PPP3CB: variants seen among roughly 807,000 people sequenced by gnomAD.
PPP3CB encodes protein phosphatase 3 catalytic subunit beta.
PPP3CB carries 8 observed loss-of-function variants against 66.4 expected under a neutral mutation model. That is an observed-to-expected ratio of 0.12 (90% CI 0.07 to 0.22). The LOEUF is 0.22. PPP3CB is among the 10% of genes least tolerant of loss of function. The probability of loss-of-function intolerance (pLI) is 1.00; values close to 1 mark genes in which losing one functional copy is unlikely to be tolerated. For synonymous variants in PPP3CB, 208 were observed against 221.2 expected, an observed-to-expected ratio of 0.94 and a Z score of 0.53; for missense variants, 319 against 642.5, an observed-to-expected ratio of 0.50 and a Z score of 5.44.
intron 12 of PPP3CB, among the ~76,000 whole-genome samples, chr10:73,443,332 A>G (rs978936786): frequency 1.5e-4 from 19 of 125,470 alleles, no homozygotes; most frequent in Admixed American, 1.3e-3. Context: ...AAGAAAGAAA[A>G]AGAAAGAGAA....
At chr10:73,444,343 G>C in intron 12 of PPP3CB, 2 of 466,102 alleles carry the variant, frequency 4.3e-6, no homozygotes, top group South Asian at 7.4e-5. Context: ...AAAGAAACTT[G>C]GAATTACATT....
chr10:73,457,966 TG>T (rs1231702324), intron 9 of PPP3CB, among the ~76,000 whole-genome samples: 2 of 152,024 alleles, frequency 1.3e-5, no homozygotes, highest in Non-Finnish European at 2.9e-5. Flanking sequence ...AAAGGAGACT[TG>T]GAAGGGTAGA....
intron 9 of PPP3CB, among the ~76,000 whole-genome samples, chr10:73,458,435 C>G (rs2056465730): frequency 1.3e-5 from 2 of 151,724 alleles, no homozygotes; most frequent in South Asian, 4.2e-4. Context: ...CCGCACCTGG[C>G]AAAAAAATTT....
intron 3 of PPP3CB, among the ~76,000 whole-genome samples, chr10:73,476,604 G>A (rs905178310): frequency 1.3e-5 from 2 of 148,422 alleles, no homozygotes; most frequent in African/African-American, 2.5e-5. Flanking sequence ...GCGACAGAGT[G>A]AGAGTCCATC....
chr10:73,447,529 TGAG>T (rs751218803), intron 10 of PPP3CB, among the ~76,000 whole-genome samples: 1 of 152,148 alleles, frequency 6.6e-6, no homozygotes, highest in Non-Finnish European at 1.5e-5. Context: ...GCACCATGGT[TGAG>T]GAGAAGGTTA....
At chr10:73,445,055 G>A (rs2056225217) in intron 11 of PPP3CB, among the ~76,000 whole-genome samples, 1 of 152,152 alleles carries the variant, frequency 6.6e-6, no homozygotes, top group Admixed American at 6.5e-5. Flanking sequence ...TATTAAATAT[G>A]TGGTAAGATT....
At chr10:73,485,950 G>GTGTGTGTGTGTGTGTA (rs58404946) in intron 1 of PPP3CB, among the ~76,000 whole-genome samples, 2,380 of 124,488 alleles carry the variant, frequency 0.019, 44 homozygotes, top group East Asian at 0.089. Flanking sequence ...GTGTGTGTGT[G>GTGTGTGTGTGTGTGTA]TATTTTTTTT....
chr10:73,444,463 T>C, intron 12 of PPP3CB: 3 of 971,518 alleles, frequency 3.1e-6, no homozygotes, highest in Non-Finnish European at 4.4e-6. Context: ...CATTATGATA[T>C]GAGCTGCTCC....
At chr10:73,488,670 T>C (rs1379620522) in intron 1 of PPP3CB, among the ~76,000 whole-genome samples, 3 of 151,968 alleles carry the variant, frequency 2.0e-5, no homozygotes, top group Non-Finnish European at 4.4e-5. Flanking sequence ...TCCAACAGCA[T>C]TGTCTTCAAA....
At chr10:73,439,409 T>G (rs532675936) in intron 13 of PPP3CB, among the ~76,000 whole-genome samples, 54 of 152,292 alleles carry the variant, frequency 3.5e-4, no homozygotes, top group African/African-American at 1.1e-3. Context: ...TGACAGTTCC[T>G]GTATTCTCAG....
chr10:73,495,917 G>C lies in PPP3CB; in HGVS notation c.-28C>G. On this transcript the variant is annotated 5_prime_UTR_variant, in exon 1 of 14. Coordinates refer to ENST00000360663, the MANE Select transcript of PPP3CB (RefSeq NM_021132.4). ...TGGGCCCGGGGCTCGGCTAGGCTCTGGGCCGGGCGGGGTTGGGGGCGGGGG... is the reference window on the plus strand; with the variant it reads ...TGGGCCCGGGGCTCGGCTAGGCTCTCGGCCGGGCGGGGTTGGGGGCGGGGG... The C allele has an allele frequency of 3.5e-6, 4 of 1,143,738 alleles. No individual in the cohort carries two copies. The highest frequency in any genetic ancestry group is 4.4e-6 in the Non-Finnish European group (4 of 911,262). The allele number at this position is 1,143,738 out of a possible 1,614,324, so 70.8% of individuals were successfully genotyped here. A position where few individuals can be genotyped will look rare whatever the true frequency, so the allele number is the denominator to read the frequency against.
intron 3 of PPP3CB, among the ~76,000 whole-genome samples, chr10:73,478,213 T>G (rs2056821710): frequency 6.6e-6 from 1 of 152,196 alleles, no homozygotes; most frequent in Non-Finnish European, 1.5e-5. Flanking sequence ...TAGCACTAAA[T>G]TTTTAAGGCC....
At chr10:73,464,500 A>G (rs1469641861) in intron 9 of PPP3CB, among the ~76,000 whole-genome samples, 1 of 152,170 alleles carries the variant, frequency 6.6e-6, no homozygotes, top group African/African-American at 2.4e-5. Flanking sequence ...AAGGAGGGCC[A>G]ATAAGTGTGA....
At chr10:73,467,761 C>A in intron 8 of PPP3CB, 83 bp from the exon 9 acceptor site, 1 of 1,324,272 alleles carries the variant, frequency 7.6e-7, no homozygotes, top group African/African-American at 1.5e-5. Flanking sequence ...TACATAAAAG[C>A]AGAAAAATAT....
intron 1 of PPP3CB, among the ~76,000 whole-genome samples, chr10:73,481,182 T>C (rs2056871035): frequency 6.8e-6 from 1 of 148,132 alleles, no homozygotes; most frequent in Admixed American, 6.7e-5. Flanking sequence ...TTTTTTTTTT[T>C]AGAAAAATAG....
At chr10:73,442,414 C>T (rs192502877) in intron 12 of PPP3CB, among the ~76,000 whole-genome samples, 3 of 152,232 alleles carry the variant, frequency 2.0e-5, no homozygotes, top group East Asian at 1.9e-4. Context: ...AGGTTTGCTG[C>T]GGATACAATA....
At chr10:73,473,484 G>A (rs368629042) in intron 4 of PPP3CB, among the ~76,000 whole-genome samples, 49 of 151,978 alleles carry the variant, frequency 3.2e-4, no homozygotes, top group African/African-American at 1.2e-3. Context: ...GTGAAACACC[G>A]CCTCTACCAA....
intron 10 of PPP3CB, among the ~76,000 whole-genome samples, chr10:73,450,173 C>T (rs2056322784): frequency 6.6e-6 from 1 of 152,162 alleles, no homozygotes; most frequent in African/African-American, 2.4e-5. Flanking sequence ...TCTCTTTCCC[C>T]AAAGAAAAAC....
At chr10:73,447,004 T>C (rs192455153) in intron 10 of PPP3CB, among the ~76,000 whole-genome samples, 2 of 152,374 alleles carry the variant, frequency 1.3e-5, no homozygotes, top group East Asian at 3.9e-4. Context: ...TGTAGTCTTA[T>C]TTAACTATCA....
Sources: gnomAD v4.1 joint callset for allele counts (sites outside exome capture counted in the v4.1 genomes callset) on GRCh38, gnomAD v4.1.1 for gene constraint, MANE v1.5 for transcripts, NCBI Gene and HGNC (gene_info 2026-07-23, HGNC 2026-07-21) for gene names.